The following DCAF5 variants were observed in gnomAD, a reference collection of about 807,000 sequenced individuals.
DCAF5 encodes DDB1- and CUL4-associated factor 5.
A neutral mutation model predicts 80.7 loss-of-function variants in DCAF5; 9 were observed. That is an observed-to-expected ratio of 0.11 (90% CI 0.07 to 0.19). The LOEUF (loss-of-function observed/expected upper bound fraction) is 0.19. Among genes scored for constraint, DCAF5 ranks in the 10% least tolerant of loss-of-function variants. The probability of loss-of-function intolerance (pLI) is 1.00; values close to 1 mark genes in which losing one functional copy is unlikely to be tolerated. For synonymous variants in DCAF5, 433 were observed against 461.9 expected, an observed-to-expected ratio of 0.94 and a Z score of 0.80; for missense variants, 842 against 1,205.7, an observed-to-expected ratio of 0.70 and a Z score of 4.47.
intron 1 of DCAF5, among the ~76,000 whole-genome samples, chr14:69,138,768 CAG>C (rs2041266818): frequency 6.6e-6 from 1 of 152,178 alleles, no homozygotes; most frequent in South Asian, 2.1e-4. Context: ...TGTAATTCTA[CAG>C]AGACATCAGA....
chr14:69,095,754 T>C (rs2039686436), intron 5 of DCAF5, among the ~76,000 whole-genome samples: 1 of 152,192 alleles, frequency 6.6e-6, no homozygotes, highest in Non-Finnish European at 1.5e-5. Context: ...TCAGGCTCTG[T>C]GGACCTAGAT....
At position 69,055,056 on chromosome 14, in the gene DCAF5, T is replaced by G. The variant is rs1371130798; in HGVS notation, c.1630A>C (p.Thr544Pro). The G allele has an allele frequency of 1.9e-6, 3 of 1,614,196 alleles. No individual in the cohort carries two copies. Among genetic ancestry groups the G allele is most frequent in the Non-Finnish European group, 2.5e-6 (3 of 1,180,042 alleles). The stretch of plus-strand genomic sequence containing the variant: ...GACCGTGGCCGGGGAAAGAGATCTG[T>G]GTCTAGTTCCACCTCACAGACATTC... ...EENVCEVELD[T>P]DLFPRPRSPS... The change falls in exon 9 of 9, where the codon ACA becomes CCA. Residue 544 changes from threonine to proline, a missense_variant. Physicochemically the swap from Thr to Pro is conservative, Grantham distance 38 (BLOSUM62 -1). Coordinates refer to ENST00000341516, the MANE Select transcript of DCAF5 (RefSeq NM_003861.3). The surrounding 1 kb of genome is among the most constrained non-coding windows in gnomAD (Gnocchi z 5.6).
intron 1 of DCAF5, among the ~76,000 whole-genome samples, chr14:69,147,329 G>A (rs2041570343): frequency 2.0e-5 from 3 of 152,204 alleles, no homozygotes; most frequent in Non-Finnish European, 4.4e-5. Flanking sequence ...TCTCCTGAAA[G>A]CCTTTTGTGA....
At chr14:69,143,344 T>C (rs949191039) in intron 1 of DCAF5, among the ~76,000 whole-genome samples, 10 of 152,188 alleles carry the variant, frequency 6.6e-5, no homozygotes, top group African/African-American at 2.2e-4. Flanking sequence ...CCTGGAAATC[T>C]AGCTCCACCA....
At chr14:69,068,489 G>C (rs932028984) in intron 7 of DCAF5, among the ~76,000 whole-genome samples, 1 of 151,930 alleles carries the variant, frequency 6.6e-6, no homozygotes, top group African/African-American at 2.4e-5. Flanking sequence ...ACCTGAGGTC[G>C]GGAGTTCGAG....
intron 1 of DCAF5, among the ~76,000 whole-genome samples, chr14:69,143,403 T>C (rs967589013): frequency 6.6e-6 from 1 of 152,252 alleles, no homozygotes; most frequent in East Asian, 1.9e-4. Flanking sequence ...AAGCCTCAGT[T>C]CCCTCATATG....
intron 8 of DCAF5, among the ~76,000 whole-genome samples, chr14:69,057,981 A>C (rs1178466918): frequency 6.6e-6 from 1 of 152,202 alleles, no homozygotes; most frequent in Non-Finnish European, 1.5e-5. Flanking sequence ...CAAAGCCCAT[A>C]CCCAACACCA....
At chr14:69,109,952 C>T (rs1411350763) in intron 5 of DCAF5, among the ~76,000 whole-genome samples, 1 of 152,180 alleles carries the variant, frequency 6.6e-6, no homozygotes, top group South Asian at 2.1e-4. Context: ...ATGAGTGTTT[C>T]AGTTGGTCCA....
At chr14:69,124,552 T>C (rs879489607) in intron 1 of DCAF5, among the ~76,000 whole-genome samples, 1 of 152,216 alleles carries the variant, frequency 6.6e-6, no homozygotes, top group Non-Finnish European at 1.5e-5. Context: ...ACCAAACTGA[T>C]GTCTTAAGTG....
intron 1 of DCAF5, among the ~76,000 whole-genome samples, chr14:69,144,331 G>C (rs1364793602): frequency 6.6e-6 from 1 of 152,030 alleles, no homozygotes; most frequent in African/African-American, 2.4e-5. Flanking sequence ...ACAGCACTTT[G>C]GGAGGCCGAG....
intron 5 of DCAF5, among the ~76,000 whole-genome samples, chr14:69,112,592 T>TACACACACACACAC (rs1398075694): frequency 8.2e-5 from 7 of 84,896 alleles, no homozygotes; most frequent in African/African-American, 4.0e-4. Flanking sequence ...GATATATATG[T>TACACACACACACAC]ATACACACAC....
intron 6 of DCAF5, among the ~76,000 whole-genome samples, chr14:69,082,205 C>T (rs1413338047): frequency 2.0e-5 from 3 of 152,156 alleles, no homozygotes; most frequent in Non-Finnish European, 4.4e-5. Context: ...GCCACAAATA[C>T]CAACCAAAGC....
intron 7 of DCAF5, among the ~76,000 whole-genome samples, chr14:69,063,641 T>C (rs770538479): frequency 2.0e-5 from 3 of 152,186 alleles, no homozygotes; most frequent in Non-Finnish European, 4.4e-5. Flanking sequence ...ATTCCAAATA[T>C]TTCTCAATGT....
intron 5 of DCAF5, among the ~76,000 whole-genome samples, chr14:69,095,703 C>T (rs2039685037): frequency 6.6e-6 from 1 of 152,202 alleles, no homozygotes; most frequent in African/African-American, 2.4e-5. Flanking sequence ...TTGAGCGTAT[C>T]ACTTCTAGCA....
At chr14:69,103,665 G>A (rs1000638327) in intron 5 of DCAF5, among the ~76,000 whole-genome samples, 6 of 152,122 alleles carry the variant, frequency 3.9e-5, no homozygotes, top group East Asian at 3.8e-4. Context: ...ATGGAAACTC[G>A]CTTGTATAGC....
chr14:69,115,659 G>A (rs1369184699), intron 5 of DCAF5, among the ~76,000 whole-genome samples: 1 of 152,110 alleles, frequency 6.6e-6, no homozygotes, highest in Non-Finnish European at 1.5e-5. Context: ...AAAAGAGCCT[G>A]CTACTCACCC....
chr14:69,146,069 A>C (rs1002596701), intron 1 of DCAF5, among the ~76,000 whole-genome samples: 1 of 152,196 alleles, frequency 6.6e-6, no homozygotes, highest in Non-Finnish European at 1.5e-5. Flanking sequence ...TTACAAACAA[A>C]TCCATCAATA....
Position 69,118,001 on chromosome 14 carries a change from C to A in DCAF5, c.535+138G>T. 2 of 1,236,888 alleles carry A rather than the reference C, an allele frequency of 1.6e-6. No homozygotes were observed. Among genetic ancestry groups the A allele is most frequent in the South Asian group, 1.4e-5 (1 of 73,024 alleles). 76.6% of individuals were successfully genotyped at this position (1,236,888 alleles called of 1,614,324 possible). A position where few individuals can be genotyped will look rare whatever the true frequency, so the allele number is the denominator to read the frequency against. On this transcript the variant is annotated intron_variant, in intron 4 of 8. Coordinates refer to ENST00000341516, the MANE Select transcript of DCAF5 (RefSeq NM_003861.3). The surrounding 1 kb of genome is among the most constrained non-coding windows in gnomAD (Gnocchi z 4.0). ...ATAAGGCCTCCAAAGACCTCTTATG[C>A]CCCCATGTGAGTGTTTCACATTTCC...
chr14:69,091,132 G>A, intron 6 of DCAF5: 3 of 752,868 alleles, frequency 4.0e-6, no homozygotes, highest in Non-Finnish European at 7.3e-6. Flanking sequence ...CTCACAGCTT[G>A]GGCTCTCCAT....
Sources: allele counts gnomAD v4.1 joint callset (sites outside exome capture counted in the v4.1 genomes callset), GRCh38; gene constraint gnomAD v4.1.1; non-coding constraint Gnocchi (gnomAD v3.1); transcripts MANE v1.5; gene names NCBI Gene and HGNC (gene_info 2026-07-23, HGNC 2026-07-21).